Variants in DNMT3A observed in about 807,000 individuals in gnomAD.
DNMT3A encodes the protein DNA methyltransferase 3 alpha.
A neutral mutation model predicts 117.6 loss-of-function variants in DNMT3A; 267 were observed. The observed-to-expected ratio is 2.27, with a 90% CI of 2.05 to 2.51. The LOEUF is 2.51. DNMT3A is among the 30% of genes most tolerant of loss of function. DNMT3A has a pLI of 0.00. For missense variants in DNMT3A, 1,029 were observed against 1,260.2 expected (o/e 0.82, Z 2.78); for synonymous variants, 432 against 474.8 (o/e 0.91, Z 1.17).
At chr2:25,324,977 G>A (rs1380583915) in intron 1 of DNMT3A, among the ~76,000 whole-genome samples, 3 of 151,864 alleles carry the variant, frequency 2.0e-5, no homozygotes, top group Non-Finnish European at 4.4e-5. Context: ...CACCACTCTC[G>A]AGGCCATGGC....
chr2:25,233,057 C>A lies in DNMT3A; in HGVS notation c.*1222G>T. The A allele has an allele frequency of 4.3e-6, 1 of 233,582 alleles. No homozygotes were observed. The highest frequency in any genetic ancestry group is 8.5e-6 in the Non-Finnish European group (1 of 118,052). The allele number at this position is 233,582 out of a possible 1,614,324, so 14.5% of individuals were successfully genotyped here. A position where few individuals can be genotyped will look rare whatever the true frequency, so the allele number is the denominator to read the frequency against. ...ACACTCTGGATTAGTTCTGATCCCA[C>A]CACAAGGAGCCCTCGAATTGGCTAA... is the stretch of plus-strand genomic sequence containing the variant. On this transcript the variant is annotated 3_prime_UTR_variant, in exon 23 of 23. Transcript: ENST00000321117.
chr2:25,234,611 C>T lies in DNMT3A; in HGVS notation c.2598-191G>A, dbSNP rs549088738. ...AATCTTCTGTCCTTTATAAACAACC[C>T]GGCACTCAGATCACCAACCATGTGC... is the stretch of plus-strand genomic sequence containing the variant. On this transcript the variant is annotated intron_variant, in intron 22 of 22. Transcript: ENST00000321117. The surrounding 1 kb of genome is among the most constrained non-coding windows in gnomAD (Gnocchi z 4.5). Among the ~76,000 whole-genome samples the T allele has an allele frequency of 2.6e-5, 4 of 152,266 alleles. No individual in the cohort carries two copies. The highest frequency in any genetic ancestry group is 9.6e-5 in the African/African-American group (4 of 41,552).
chr2:25,321,979 G>A (rs1573494866), intron 1 of DNMT3A, among the ~76,000 whole-genome samples: 1 of 152,190 alleles, frequency 6.6e-6, no homozygotes, highest in South Asian at 2.1e-4. Context: ...GGTTGGACAT[G>A]TAAGAGGATC....
intron 2 of DNMT3A, among the ~76,000 whole-genome samples, chr2:25,310,428 C>T (rs2034049441): frequency 2.0e-5 from 3 of 151,924 alleles, no homozygotes; most frequent in African/African-American, 7.3e-5. Flanking sequence ...CCTGCCTCCT[C>T]CCCATCTCCC....
intron 2 of DNMT3A, among the ~76,000 whole-genome samples, chr2:25,307,555 T>C (rs2033851872): frequency 7.2e-6 from 1 of 138,800 alleles, no homozygotes. Flanking sequence ...AACCTCCACC[T>C]ACCAGGTTCA....
Position 25,246,521 on chromosome 2 carries a change from T to C in DNMT3A, c.1279+99A>G, listed in dbSNP as rs898828716. 2.0e-6 allele frequency: 3 copies of C among 1,513,580 alleles called. No homozygotes were observed. The Admixed American group carries it at 6.4e-5, about 32-fold the overall frequency. The allele number at this position is 1,513,580 out of a possible 1,614,324, so 93.8% of individuals were successfully genotyped here. A position where few individuals can be genotyped will look rare whatever the true frequency, so the allele number is the denominator to read the frequency against. ...CGGCTGTTCCCACTGGGCCCCTCTG[T>C]GGAGGCCTTGGCAGCCCTCCCTAAG... On this transcript the variant is annotated intron_variant, in intron 10 of 22. Transcript: ENST00000321117.
At chr2:25,317,549 G>A (rs1356966902) in intron 1 of DNMT3A, among the ~76,000 whole-genome samples, 1 of 152,210 alleles carries the variant, frequency 6.6e-6, no homozygotes, top group Non-Finnish European at 1.5e-5. Context: ...TGGCACTAGG[G>A]CTGAAGAGGA....
intron 1 of DNMT3A, among the ~76,000 whole-genome samples, chr2:25,330,040 C>T (rs1036189280): frequency 2.0e-5 from 3 of 152,206 alleles, no homozygotes; most frequent in Non-Finnish European, 2.9e-5. Context: ...TTGGAAATGC[C>T]TGTACTAGAA....
rs1349870169 is a variant in DNMT3A at position 25,235,693 on chromosome 2, C to T, written c.2597+14G>A. The T allele has an allele frequency of 6.2e-7, 1 of 1,607,880 alleles. No homozygotes were observed. Among genetic ancestry groups the T allele is most frequent in the South Asian group, 1.1e-5 (1 of 90,902 alleles). On this transcript the variant is annotated intron_variant, in intron 22 of 22. Coordinates refer to ENST00000321117, the MANE Select transcript of DNMT3A (RefSeq NM_022552.5). ...CAGCCACACCGCAGCCAGATGCCAGCACAACCCGGGTACCTTTCCATTTCA... is the reference window on the plus strand; with the variant it reads ...CAGCCACACCGCAGCCAGATGCCAGTACAACCCGGGTACCTTTCCATTTCA...
rs1558661118 is a variant in DNMT3A at position 25,241,543 on chromosome 2, C to A, written c.2082+19G>T. The A allele has an allele frequency of 6.2e-7, 1 of 1,604,604 alleles. No homozygotes were observed. Among genetic ancestry groups the A allele is most frequent in the Non-Finnish European group, 8.5e-7 (1 of 1,175,722 alleles). On this transcript the variant is annotated intron_variant, in intron 17 of 22. Transcript: ENST00000321117. ...TGCAGGGAGGGGAAGACGGGCTGCG[C>A]CCCACAGCATGGACATACATGCTTC... is the stretch of plus-strand genomic sequence containing the variant.
At chr2:25,332,318 T>G (rs2035043855) in intron 1 of DNMT3A, among the ~76,000 whole-genome samples, 1 of 152,218 alleles carries the variant, frequency 6.6e-6, no homozygotes, top group Non-Finnish European at 1.5e-5. Context: ...TCCCTCCGCT[T>G]CGAGACTCAG....
intron 6 of DNMT3A, among the ~76,000 whole-genome samples, chr2:25,260,258 G>A (rs115787081): frequency 6.6e-6 from 1 of 152,298 alleles, no homozygotes; most frequent in African/African-American, 2.4e-5. Context: ...CTGAGGCTTG[G>A]TGGTTTTCAA....
At chr2:25,238,151 A>C (rs887471888) in intron 20 of DNMT3A, among the ~76,000 whole-genome samples, 3 of 152,214 alleles carry the variant, frequency 2.0e-5, no homozygotes, top group African/African-American at 7.2e-5. Flanking sequence ...GAGTGGTTCC[A>C]TGAAAATACT....
At chr2:25,309,599 T>C (rs540788814) in intron 2 of DNMT3A, among the ~76,000 whole-genome samples, 1 of 152,218 alleles carries the variant, frequency 6.6e-6, no homozygotes, top group South Asian at 2.1e-4. Context: ...GGAGACAGCC[T>C]AAGGAGCGCA....
intron 6 of DNMT3A, 22 bp from the exon 7 acceptor site, chr2:25,248,274 A>G (rs1308547606): frequency 4.3e-6 from 7 of 1,611,160 alleles, no homozygotes; most frequent in African/African-American, 2.7e-5. Flanking sequence ...AAAAACAAAA[A>G]GTCACCTTGA....
At chr2:25,280,062 A>C (rs1400487686) in intron 4 of DNMT3A, among the ~76,000 whole-genome samples, 4 of 152,138 alleles carry the variant, frequency 2.6e-5, no homozygotes, top group African/African-American at 9.7e-5. Context: ...TAAGATTCTA[A>C]GGAAGATCCA....
chr2:25,313,096 C>A (rs2034206013), intron 2 of DNMT3A, among the ~76,000 whole-genome samples: 2 of 152,188 alleles, frequency 1.3e-5, no homozygotes, highest in South Asian at 4.1e-4. Flanking sequence ...GAGGGCAACA[C>A]AGTCCAGTGC....
Position 25,233,780 on chromosome 2 carries a change from A to C in DNMT3A, c.*499T>G, listed in dbSNP as rs1488487863. 8.3e-4 allele frequency: 78 copies of C among 93,502 alleles called. 1 individual carries two copies. The highest frequency in any genetic ancestry group is 1.3e-3 in the East Asian group (14 of 10,698). The allele number at this position is 93,502 out of a possible 1,614,324, so 5.8% of individuals were successfully genotyped here. On this transcript the variant is annotated 3_prime_UTR_variant, in exon 23 of 23. Coordinates refer to ENST00000321117, the MANE Select transcript of DNMT3A (RefSeq NM_022552.5). The stretch of plus-strand genomic sequence containing the variant: ...GATATATAGTAAAAAAAAAAACCCA[A>C]AAAAAAAAAACAAAAAACAAAAAAA...
At chr2:25,266,921 A>G (rs2149353568) in intron 6 of DNMT3A, among the ~76,000 whole-genome samples, 1 of 152,336 alleles carries the variant, frequency 6.6e-6, no homozygotes, top group African/African-American at 2.4e-5. Context: ...CTTTCTAGGT[A>G]TCTGTCTTAG....
Sources: allele counts gnomAD v4.1 joint callset (sites outside exome capture counted in the v4.1 genomes callset), GRCh38; gene constraint gnomAD v4.1.1; non-coding constraint Gnocchi (gnomAD v3.1); transcripts MANE v1.5; gene names NCBI Gene and HGNC (gene_info 2026-07-23, HGNC 2026-07-21).